PXN: variants seen among roughly 807,000 people sequenced by gnomAD.
PXN encodes the protein testicular tissue protein Li 134.
Under a neutral mutation model 103.6 loss-of-function variants are expected in PXN, and 61 were observed. The ratio of observed to expected loss-of-function variants is 0.59; its 90% CI spans 0.48 to 0.73. The LOEUF (loss-of-function observed/expected upper bound fraction) is 0.73. Ranked by LOEUF, PXN falls within the 30% of genes least tolerant of loss-of-function variation. The pLI, the probability that PXN is intolerant of heterozygous loss-of-function variation, is 0.00. For synonymous variants in PXN, 562 were observed against 607.8 expected, an observed-to-expected ratio of 0.92 and a Z score of 1.11; for missense variants, 1,274 against 1,460.3, an observed-to-expected ratio of 0.87 and a Z score of 2.08.
intron 1 of PXN, among the ~76,000 whole-genome samples, chr12:120,231,194 C>T (rs1045240061): frequency 2.7e-4 from 41 of 152,266 alleles, no homozygotes; most frequent in East Asian, 7.7e-4. Context: ...GGGCAGAACC[C>T]GATTTGTCCC....
At chr12:120,248,420 A>G (rs1891542083) in intron 1 of PXN, among the ~76,000 whole-genome samples, 1 of 151,738 alleles carries the variant, frequency 6.6e-6, no homozygotes, top group Non-Finnish European at 1.5e-5. Context: ...TGCCCTCAGC[A>G]GACACCTGGT....
In PXN at chr12:120,265,259, A is replaced by C. The variant is rs965819229; in HGVS notation, c.13+358T>G. Among the ~76,000 whole-genome samples the C allele has an allele frequency of 6.0e-5, 9 of 151,044 alleles. No homozygotes were observed. Among genetic ancestry groups the C allele is most frequent in the Admixed American group, 2.6e-4 (4 of 15,234 alleles). ...CGAGGTGAGGGTCCCGTAGCTGACG[A>C]GGTGGTCTGCCGCAGGAAGTCTCGT... On this transcript the variant is annotated intron_variant, in intron 1 of 14. Transcript: ENST00000637617. This position sits in a 1 kb window ranked among gnomAD's most constrained non-coding sequence, Gnocchi z 5.7.
intron 1 of PXN, among the ~76,000 whole-genome samples, chr12:120,234,141 G>A (rs1237659111): frequency 6.6e-6 from 1 of 152,146 alleles, no homozygotes; most frequent in African/African-American, 2.4e-5. Flanking sequence ...GCTTATGCTT[G>A]TAATCCCAGC....
rs772403110 is a variant in PXN at position 120,216,102 on chromosome 12, A to G, written c.2301+171T>C. 7.7e-7 allele frequency: 1 copy of G among 1,291,222 alleles called. No individual in the cohort carries two copies. Among genetic ancestry groups the G allele is most frequent in the Non-Finnish European group, 9.8e-7 (1 of 1,021,764 alleles). 80.0% of individuals were successfully genotyped at this position (1,291,222 alleles called of 1,614,324 possible). A position where few individuals can be genotyped will look rare whatever the true frequency, so the allele number is the denominator to read the frequency against. On this transcript the variant is annotated intron_variant, in intron 9 of 14. Transcript: ENST00000637617. The surrounding 1 kb of genome is among the most constrained non-coding windows in gnomAD (Gnocchi z 5.1). The stretch of plus-strand genomic sequence containing the variant: ...GGGCAGCGGACCTTCTGAGTGGGGG[A>G]AGACCGGGGTCAAGGTTTACGGCAG...
At chr12:120,235,470 G>A (rs907372848) in intron 1 of PXN, among the ~76,000 whole-genome samples, 2 of 152,092 alleles carry the variant, frequency 1.3e-5, no homozygotes, top group African/African-American at 4.8e-5. Context: ...CTGCCTGACT[G>A]CAGAGATCAC....
At chr12:120,238,586 C>T (rs1390153249) in intron 1 of PXN, among the ~76,000 whole-genome samples, 4 of 152,226 alleles carry the variant, frequency 2.6e-5, no homozygotes, top group Admixed American at 1.3e-4. Context: ...AACAGCAGTA[C>T]GTGGCCGCAA....
intron 1 of PXN, among the ~76,000 whole-genome samples, chr12:120,243,261 C>T (rs1306881733): frequency 6.6e-6 from 1 of 152,182 alleles, no homozygotes; most frequent in African/African-American, 2.4e-5. Context: ...AAGGATCCAT[C>T]CTGCCTACCT....
At position 120,224,178 on chromosome 12, in the gene PXN, G is replaced by A. The variant is rs528580941; in HGVS notation, c.213C>T (p.Pro71=). 1 of 1,600,842 alleles carries A rather than the reference G, an allele frequency of 6.2e-7. No individual in the cohort carries two copies. The highest frequency in any genetic ancestry group is 1.1e-5 in the South Asian group (1 of 89,572). The part of the protein sequence containing the change: ...TILDPLDQWQ[P]SSSRFIHQQP... ...GCTGGTGGATGAATCGGGAGCTGCT[G>A]GGCTGCCACTGGTCTAAGGGGTCAA... Residue 71 remains proline (P), a synonymous_variant, in exon 2 of 15, where the codon CCC becomes CCT. Transcript: ENST00000637617. The surrounding 1 kb of genome is among the most constrained non-coding windows in gnomAD (Gnocchi z 5.0).
rs888679815 is a variant in PXN at position 120,216,436 on chromosome 12, A to G, written c.2138T>C (p.Leu713Pro). 9 of 1,377,114 alleles carry G rather than the reference A, an allele frequency of 6.5e-6. No homozygotes were observed. The African/African-American group carries it at 1.4e-4, about 21-fold the overall frequency. 85.3% of individuals were successfully genotyped at this position (1,377,114 alleles called of 1,614,324 possible). A position where few individuals can be genotyped will look rare whatever the true frequency, so the allele number is the denominator to read the frequency against. ...ACCACAGGTATAAGCTGAGGGCCCC[A>G]GGGGGGAGGAGGCGAGCAGGCTGGG... ...PLPSLLASSPLGPSAYTCGSS... is the reference protein window; with the variant it reads ...PLPSLLASSPPGPSAYTCGSS... The change falls in exon 9 of 15, where the codon CTG becomes CCG. Residue 713 changes from leucine (L) to proline (P), a missense_variant. Leu to Pro is a moderately conservative substitution (Grantham distance 98). Transcript: ENST00000637617. The surrounding 1 kb of genome is among the most constrained non-coding windows in gnomAD (Gnocchi z 5.1).
intron 1 of PXN, among the ~76,000 whole-genome samples, chr12:120,252,046 A>G (rs1389183438): frequency 6.6e-6 from 1 of 152,172 alleles, no homozygotes; most frequent in East Asian, 1.9e-4. Flanking sequence ...CACAAGTAGT[A>G]GGCAACAGCA....
intron 2 of PXN, 40 bp from the exon 3 acceptor site, chr12:120,223,873 GA>G: frequency 2.1e-6 from 3 of 1,459,576 alleles, no homozygotes; most frequent in East Asian, 2.4e-5. Context: ...CCCGAGGGGA[GA>G]AAAAGGAACA....
At position 120,219,112 on chromosome 12, in the gene PXN, G is replaced by A; in HGVS notation, c.1716+95C>T. ...CAGCATTTTCTGCCCAAGCAGACAT[G>A]CGCAGAGTGGGAGGCTGCATGCAGT... On this transcript the variant is annotated intron_variant, in intron 7 of 14. Coordinates refer to ENST00000637617, the MANE Select transcript of PXN (RefSeq NM_001385981.1). This position sits in a 1 kb window ranked among gnomAD's most constrained non-coding sequence, Gnocchi z 6.5. 1 of 1,295,528 alleles carries A rather than the reference G, an allele frequency of 7.7e-7. No homozygotes were observed. Among genetic ancestry groups the A allele is most frequent in the Non-Finnish European group, 1.0e-6 (1 of 971,340 alleles). The allele number at this position is 1,295,528 out of a possible 1,614,324, so 80.3% of individuals were successfully genotyped here.
chr12:120,217,121 G>A lies in PXN; in HGVS notation c.1717-5C>T, dbSNP rs746988713. On this transcript the variant is annotated splice_polypyrimidine_tract_variant and splice_region_variant and intron_variant, in intron 7 of 14. Coordinates refer to ENST00000637617, the MANE Select transcript of PXN (RefSeq NM_001385981.1). The surrounding 1 kb of genome is among the most constrained non-coding windows in gnomAD (Gnocchi z 4.1). ...CCTCCTGATCACAGATCGGATCTAG[G>A]GGGAGGGGGAGGGGAGGCTGTCACC... is the stretch of plus-strand genomic sequence containing the variant. 1 of 1,573,868 alleles carries A rather than the reference G, an allele frequency of 6.4e-7. No homozygotes were observed. The highest frequency in any genetic ancestry group is 8.6e-7 in the Non-Finnish European group (1 of 1,167,486).
chr12:120,250,259 G>A (rs1400582083), intron 1 of PXN: 9 of 923,006 alleles, frequency 9.8e-6, no homozygotes, highest in Non-Finnish European at 1.2e-5. Flanking sequence ...GCAAAGCTCG[G>A]CCAGGACTCT....
chr12:120,212,804 A>G lies in PXN; in HGVS notation c.2980-224T>C. On this transcript the variant is annotated intron_variant, in intron 14 of 14. Transcript: ENST00000637617. This position sits in a 1 kb window ranked among gnomAD's most constrained non-coding sequence, Gnocchi z 7.2. ...CTCACTATATTGCCCATGCTGGTCAAATGTGGCCTCCTGCAATCCTCCCAC... is the reference window on the plus strand; with the variant it reads ...CTCACTATATTGCCCATGCTGGTCAGATGTGGCCTCCTGCAATCCTCCCAC... 1 of 456,706 alleles carries G rather than the reference A, an allele frequency of 2.2e-6. No homozygotes were observed. The allele number at this position is 456,706 out of a possible 1,614,324, so 28.3% of individuals were successfully genotyped here. A position where few individuals can be genotyped will look rare whatever the true frequency, so the allele number is the denominator to read the frequency against.
intron 1 of PXN, among the ~76,000 whole-genome samples, chr12:120,264,491 C>G (rs868508465): frequency 1.3e-5 from 2 of 152,188 alleles, no homozygotes; most frequent in African/African-American, 4.8e-5. Context: ...CCTGCGTTCA[C>G]GCCACCCAAG....
chr12:120,230,726 GGTGAGTAA>G (rs1207744073), intron 1 of PXN, among the ~76,000 whole-genome samples: 1 of 150,830 alleles, frequency 6.6e-6, no homozygotes, highest in Non-Finnish European at 1.5e-5. Flanking sequence ...GCTTTCACTC[GGTGAGTAA>G]GTCCCCAGGA....
In PXN at chr12:120,217,561, G is replaced by C. The variant is rs1397652788; in HGVS notation, c.1717-445C>G. On this transcript the variant is annotated intron_variant, in intron 7 of 14. Transcript: ENST00000637617. The surrounding 1 kb of genome is among the most constrained non-coding windows in gnomAD (Gnocchi z 4.1). ...TTTTTCTTTTTTTTAATTTATAATAGAAAAAGTGTTTCCTTCCAGGAACTT... is the reference window on the plus strand; with the variant it reads ...TTTTTCTTTTTTTTAATTTATAATACAAAAAGTGTTTCCTTCCAGGAACTT... Among the ~76,000 whole-genome samples, 2 of 151,812 alleles carry C rather than the reference G, an allele frequency of 1.3e-5. No homozygotes were observed. The highest frequency in any genetic ancestry group is 6.6e-5 in the Admixed American group (1 of 15,226).
chr12:120,215,809 T>C lies in PXN; in HGVS notation c.2302-148A>G, dbSNP rs2136204876. 1.6e-6 allele frequency: 2 copies of C among 1,284,790 alleles called. No homozygotes were observed. The allele number at this position is 1,284,790 out of a possible 1,614,324, so 79.6% of individuals were successfully genotyped here. On this transcript the variant is annotated intron_variant, in intron 9 of 14. Coordinates refer to ENST00000637617, the MANE Select transcript of PXN (RefSeq NM_001385981.1). This position sits in a 1 kb window ranked among gnomAD's most constrained non-coding sequence, Gnocchi z 4.9. ...AGGACCAAAATTGGGGGAAAAAATC[T>C]GGAGAAAAAGAGCCCTGAGAGAGAG...
Sources: allele counts gnomAD v4.1 joint callset (sites outside exome capture counted in the v4.1 genomes callset), GRCh38; gene constraint gnomAD v4.1.1; non-coding constraint Gnocchi (gnomAD v3.1); transcripts MANE v1.5; gene names NCBI Gene and HGNC (gene_info 2026-07-23, HGNC 2026-07-21).